MCOLN3: variants seen among roughly 807,000 people sequenced by gnomAD.
The protein encoded by MCOLN3 is mucolipin-3.
MCOLN3 carries 62 observed loss-of-function variants against 69.4 expected under a neutral mutation model. The observed-to-expected ratio is 0.89, with a 90% CI of 0.73 to 1.10. The LOEUF (loss-of-function observed/expected upper bound fraction) is 1.10, where lower values mean the gene tolerates loss of function less well. MCOLN3 is among the 50% of genes least tolerant of loss of function. The pLI is 0.00. For synonymous variants in MCOLN3, 183 were observed against 217.0 expected (o/e 0.84, Z 1.38); for missense variants, 564 against 656.4 (o/e 0.86, Z 1.54).
chr1:85,031,835 G>A (rs1319680002), intron 6 of MCOLN3, among the ~76,000 whole-genome samples: 1 of 152,196 alleles, frequency 6.6e-6, no homozygotes, highest in Non-Finnish European at 1.5e-5. Context: ...CACTTCGGGA[G>A]GCTGAGGCAG....
chr1:85,029,428 TTA>T (rs1652394288), intron 6 of MCOLN3: 2 of 461,154 alleles, frequency 4.3e-6, no homozygotes, highest in Non-Finnish European at 7.8e-6. Flanking sequence ...CTCTAAAACA[TTA>T]TATGTCTAGG....
At position 85,018,395 on chromosome 1, in the gene MCOLN3, C is replaced by T. The variant is rs1313579286; in HGVS notation, c.*728G>A. The T allele has an allele frequency of 6.6e-6, 1 of 152,164 alleles. No individual in the cohort carries two copies. The highest frequency in any genetic ancestry group is 1.5e-5 in the Non-Finnish European group (1 of 68,048). 9.4% of individuals were successfully genotyped at this position (152,164 alleles called of 1,614,324 possible). A position where few individuals can be genotyped will look rare whatever the true frequency, so the allele number is the denominator to read the frequency against. On this transcript the variant is annotated 3_prime_UTR_variant, in exon 13 of 13. Coordinates refer to ENST00000370589, the MANE Select transcript of MCOLN3 (RefSeq NM_018298.11). The stretch of plus-strand genomic sequence containing the variant: ...TTACAATTGCCTACTGTATTCAATA[C>T]AGTAACATGTTGTACAGATTTGTAC...
At chr1:85,026,306 T>C in intron 7 of MCOLN3, 22 bp from the exon 8 acceptor site, 2 of 1,498,756 alleles carry the variant, frequency 1.3e-6, no homozygotes, top group South Asian at 1.1e-5. Context: ...GAGGATTACA[T>C]AGTGCTTATG....
At position 85,041,193 on chromosome 1, in the gene MCOLN3, AG is replaced by A; in HGVS notation, c.229-17del. The A allele has an allele frequency of 6.2e-7, 1 of 1,606,884 alleles. No homozygotes were observed. Among genetic ancestry groups the A allele is most frequent in the Non-Finnish European group, 8.5e-7 (1 of 1,177,034 alleles). On this transcript the variant is annotated splice_polypyrimidine_tract_variant and intron_variant, in intron 2 of 12. Coordinates refer to ENST00000370589, the MANE Select transcript of MCOLN3 (RefSeq NM_018298.11). Reference sequence around the variant, plus strand: ...ATAAGACCAGCTTAAAAGAAAAAAAAGAAAAGGTAAGAGGGTGGAAAATGTG... The same window carrying A: ...ATAAGACCAGCTTAAAAGAAAAAAAAAAAAGGTAAGAGGGTGGAAAATGTG...
At chr1:85,043,511 C>T (rs1344799979) in intron 2 of MCOLN3, among the ~76,000 whole-genome samples, 1 of 137,910 alleles carries the variant, frequency 7.3e-6, no homozygotes, top group Non-Finnish European at 1.5e-5. Context: ...GCCTGGGTGA[C>T]AGAGTGGGAC....
rs1170993087 is a variant in MCOLN3, at chr1:85,019,357, TA to T, written c.1528-101del. ...TCATTTGGCAAGGGAGGGGGTTTTC[TA>T]GAGAGATAGTATCGTTACTCCTGAG... On this transcript the variant is annotated intron_variant, in intron 12 of 12. Coordinates refer to ENST00000370589, the MANE Select transcript of MCOLN3 (RefSeq NM_018298.11). 2.6e-6 allele frequency: 3 copies of T among 1,158,792 alleles called. No homozygotes were observed. The African/African-American group carries it at 4.6e-5, about 18-fold the overall frequency. The allele number at this position is 1,158,792 out of a possible 1,614,324, so 71.8% of individuals were successfully genotyped here. A position where few individuals can be genotyped will look rare whatever the true frequency, so the allele number is the denominator to read the frequency against.
chr1:85,026,099 AAG>A lies in MCOLN3; in HGVS notation c.946-13_946-12del. ...AAAATTGACAAACTCCTTTAGGGAA[AAG>A]AGGGGAGGCACAGTGAATGTCTCTG... On this transcript the variant is annotated splice_polypyrimidine_tract_variant and intron_variant, in intron 8 of 12. Coordinates refer to ENST00000370589, the MANE Select transcript of MCOLN3 (RefSeq NM_018298.11). 5 of 1,609,570 alleles carry A rather than the reference AAG, an allele frequency of 3.1e-6. No homozygotes were observed. The highest frequency in any genetic ancestry group is 4.2e-6 in the Non-Finnish European group (5 of 1,177,712).
intron 6 of MCOLN3, 186 bp from the exon 7 acceptor site, chr1:85,029,391 C>G (rs1652392139): frequency 1.8e-6 from 1 of 555,548 alleles, no homozygotes; most frequent in Non-Finnish European, 3.2e-6. Flanking sequence ...GAACGATGAA[C>G]TAGATCTTCT....
intron 4 of MCOLN3, among the ~76,000 whole-genome samples, chr1:85,033,158 C>T (rs1395145690): frequency 6.6e-6 from 1 of 152,166 alleles, no homozygotes; most frequent in Non-Finnish European, 1.5e-5. Flanking sequence ...TAAGTGGCTA[C>T]ATTTCTGGAG....
At chr1:85,023,146 T>C (rs184722181) in intron 9 of MCOLN3, 5 of 145,628 alleles carry the variant, frequency 3.4e-5, no homozygotes, top group South Asian at 4.5e-4. Context: ...CGTGGCACAA[T>C]TGTGGCTCAA....
chr1:85,020,182 C>T (rs1313156928), intron 12 of MCOLN3, among the ~76,000 whole-genome samples: 3 of 152,338 alleles, frequency 2.0e-5, no homozygotes, highest in Middle Eastern at 3.4e-3. Flanking sequence ...CCTAAGGACA[C>T]ATCTGCTAAG....
Position 85,026,234 on chromosome 1 carries a change from T to G in MCOLN3, c.883A>C (p.Thr295Pro). 1 of 1,614,144 alleles carries G rather than the reference T, an allele frequency of 6.2e-7. No homozygotes were observed. The highest frequency in any genetic ancestry group is 8.5e-7 in the Non-Finnish European group (1 of 1,180,002). Residue 295 changes from threonine to proline, a missense_variant, in exon 8 of 13, where the codon ACT becomes CCT. By Grantham distance (38) the Thr-to-Pro change is conservative. Transcript: ENST00000370589. The stretch of plus-strand genomic sequence containing the variant: ...CAGAGGATTAATGAAACCAAGCAAG[T>G]CAGAATGACAAAGGCATCAAAGATC... ...MMIFDAFVIL[T>P]CLVSLILCIR...
chr1:85,043,656 T>G (rs1267444349), intron 2 of MCOLN3, among the ~76,000 whole-genome samples: 1 of 152,214 alleles, frequency 6.6e-6, no homozygotes, highest in African/African-American at 2.4e-5. Flanking sequence ...ATACAGGCTT[T>G]TCTCCTTTAT....
At chr1:85,041,220 G>A (rs747569124) in intron 2 of MCOLN3, 43 bp from the exon 3 acceptor site, 46 of 1,552,872 alleles carry the variant, frequency 3.0e-5, no homozygotes, top group Non-Finnish European at 3.8e-5. Context: ...GGAAAATGTG[G>A]GCAGAAAAAG....
At chr1:85,027,743 G>A (rs1052350702) in intron 7 of MCOLN3, among the ~76,000 whole-genome samples, 5 of 152,170 alleles carry the variant, frequency 3.3e-5, no homozygotes, top group African/African-American at 1.2e-4. Flanking sequence ...GGGGGTTTTA[G>A]CTGAAACCTG....
At position 85,019,879 on chromosome 1, in the gene MCOLN3, G is replaced by A. The variant is rs1217065075; in HGVS notation, c.1528-622C>T. 6.6e-5 allele frequency among the ~76,000 whole-genome samples: 10 copies of A among 152,274 alleles called. No individual in the cohort carries two copies. The East Asian group carries it at 1.2e-3, about 18-fold the overall frequency. On this transcript the variant is annotated intron_variant, in intron 12 of 12. Coordinates refer to ENST00000370589, the MANE Select transcript of MCOLN3 (RefSeq NM_018298.11). ...TGTTTAAGGGCCTCATATTTATATC[G>A]GTTTGGGACCTAAAATTTCTAGGAC...
Position 85,026,251 on chromosome 1 carries a change from T to C in MCOLN3, c.866A>G (p.Asp289Gly), listed in dbSNP as rs1652211289. 1 of 1,613,978 alleles carries C rather than the reference T, an allele frequency of 6.2e-7. No individual in the cohort carries two copies. The highest frequency in any genetic ancestry group is 8.5e-7 in the Non-Finnish European group (1 of 1,179,948). The change falls in exon 8 of 13, where the codon GAT becomes GGT. Residue 289 changes from aspartate (D) to glycine (G), a missense_variant. Coordinates refer to ENST00000370589, the MANE Select transcript of MCOLN3 (RefSeq NM_018298.11). ...CAAGCAAGTCAGAATGACAAAGGCA[T>C]CAAAGATCATCATGTAATGAGTGTT... ...QKNTHYMMIF[D>G]AFVILTCLVS...
chr1:85,045,232 T>A lies in MCOLN3; in HGVS notation c.129A>T (p.Lys43Asn), dbSNP rs776400176. ...LLEDQMRRKL[K>N]FFFMNPCEKF... ...TCTCACAGGGATTCATGAAAAAAAA[T>A]TTGAGTTTTCGCCTCATCTGGTCTT... The change falls in exon 2 of 13, where the codon AAA becomes AAT. Residue 43 changes from lysine (K) to asparagine (N), a missense_variant. Transcript: ENST00000370589. 7 of 1,614,066 alleles carry A rather than the reference T, an allele frequency of 4.3e-6. No individual in the cohort carries two copies. The highest frequency in any genetic ancestry group is 3.3e-5 in the Admixed American group (2 of 60,014).
intron 1 of MCOLN3, among the ~76,000 whole-genome samples, chr1:85,048,092 C>A (rs1653472210): frequency 6.6e-6 from 1 of 152,230 alleles, no homozygotes; most frequent in South Asian, 2.1e-4. Context: ...TGAGCCCTGG[C>A]CACAGGTGGG....
Sources: allele counts gnomAD v4.1 joint callset (sites outside exome capture counted in the v4.1 genomes callset), GRCh38; gene constraint gnomAD v4.1.1; transcripts MANE v1.5; gene names NCBI Gene and HGNC (gene_info 2026-07-23, HGNC 2026-07-21).